The following ZNF804A variants were observed in gnomAD, a reference collection of about 807,000 sequenced individuals.
ZNF804A encodes zinc finger protein 804A.
ZNF804A carries 2 observed loss-of-function variants against 16.5 expected under a neutral mutation model. The ratio of observed to expected loss-of-function variants is 0.12; its 90% CI spans 0.05 to 0.38. The LOEUF (loss-of-function observed/expected upper bound fraction) is 0.38, where lower values mean the gene tolerates loss of function less well. Among genes scored for constraint, ZNF804A ranks in the 10% least tolerant of loss-of-function variants. The pLI, the probability that ZNF804A is intolerant of heterozygous loss-of-function variation, is 0.99. For synonymous variants in ZNF804A, 534 were observed against 489.6 expected, an observed-to-expected ratio of 1.09 and a Z score of -1.20; for missense variants, 1,473 against 1,390.7, an observed-to-expected ratio of 1.06 and a Z score of -0.94.
chr2:184,865,821 A>G (rs1695870064), intron 1 of ZNF804A, among the ~76,000 whole-genome samples: 1 of 152,186 alleles, frequency 6.6e-6, no homozygotes, highest in Non-Finnish European at 1.5e-5. Context: ...GATTATTTTA[A>G]TGTTCATTCT....
chr2:184,888,449 G>T (rs572282382), intron 2 of ZNF804A, among the ~76,000 whole-genome samples: 1 of 152,108 alleles, frequency 6.6e-6, no homozygotes, highest in Non-Finnish European at 1.5e-5. Context: ...TGTGCCCTTG[G>T]CTCCACTAAA....
At chr2:184,638,077 G>A (rs1691730010) in intron 1 of ZNF804A, among the ~76,000 whole-genome samples, 1 of 152,146 alleles carries the variant, frequency 6.6e-6, no homozygotes, top group African/African-American at 2.4e-5. Context: ...TCCTGTTGTT[G>A]TGTGCCAGTT....
At chr2:184,924,742 C>T (rs988790674) in intron 2 of ZNF804A, among the ~76,000 whole-genome samples, 12 of 151,486 alleles carry the variant, frequency 7.9e-5, no homozygotes, top group East Asian at 1.9e-4. Flanking sequence ...GTTACGTTTC[C>T]GTTATCATTT....
At chr2:184,789,441 T>C (rs1364001531) in intron 1 of ZNF804A, among the ~76,000 whole-genome samples, 2 of 152,148 alleles carry the variant, frequency 1.3e-5, no homozygotes, top group African/African-American at 2.4e-5. Context: ...TAGTAAACTT[T>C]GGATGTGAAT....
chr2:184,632,589 G>A (rs539134369), intron 1 of ZNF804A, among the ~76,000 whole-genome samples: 46 of 152,098 alleles, frequency 3.0e-4, no homozygotes, highest in Non-Finnish European at 5.9e-4. Flanking sequence ...TAGATACAAG[G>A]TTTCACCATG....
At chr2:184,845,781 G>A (rs903752373) in intron 1 of ZNF804A, among the ~76,000 whole-genome samples, 10 of 152,048 alleles carry the variant, frequency 6.6e-5, no homozygotes, top group African/African-American at 2.4e-4. Context: ...TTGTTTGGGG[G>A]TGTCCCTCTA....
chr2:184,793,394 G>A (rs867480339), intron 1 of ZNF804A, among the ~76,000 whole-genome samples: 1 of 152,116 alleles, frequency 6.6e-6, no homozygotes, highest in Non-Finnish European at 1.5e-5. Context: ...TCCACCCACA[G>A]TGTATAAGTG....
intron 1 of ZNF804A, among the ~76,000 whole-genome samples, chr2:184,847,895 A>G (rs1001376555): frequency 3.3e-5 from 5 of 152,074 alleles, no homozygotes; most frequent in Admixed American, 6.6e-5. Flanking sequence ...AAACTCAGGA[A>G]CAGCCAGATT....
At chr2:184,747,008 C>G (rs1031701037) in intron 1 of ZNF804A, among the ~76,000 whole-genome samples, 3 of 151,260 alleles carry the variant, frequency 2.0e-5, no homozygotes, top group African/African-American at 7.3e-5. Context: ...TGAACAGATC[C>G]AAATCCCTCT....
intron 1 of ZNF804A, among the ~76,000 whole-genome samples, chr2:184,685,645 T>C (rs990737719): frequency 6.6e-6 from 1 of 152,086 alleles, no homozygotes; most frequent in African/African-American, 2.4e-5. Flanking sequence ...CTGGAGTTTC[T>C]ATGGGCTCAG....
chr2:184,726,614 C>T (rs1418531767), intron 1 of ZNF804A, among the ~76,000 whole-genome samples: 5 of 151,384 alleles, frequency 3.3e-5, no homozygotes, highest in Non-Finnish European at 3.0e-5. Context: ...ATGCATTTCA[C>T]GTATATCAGT....
At chr2:184,625,037 T>C (rs2105682528) in intron 1 of ZNF804A, among the ~76,000 whole-genome samples, 1 of 152,302 alleles carries the variant, frequency 6.6e-6, no homozygotes, top group Admixed American at 6.5e-5. Context: ...TGATTATACC[T>C]ACAAGGTACT....
chr2:184,933,873 C>A, intron 3 of ZNF804A, 140 bp downstream of exon 3: 1 of 774,334 alleles, frequency 1.3e-6, no homozygotes, highest in South Asian at 2.9e-5. Context: ...CTTCTGTAGG[C>A]TGTAAACAGT....
chr2:184,928,606 C>T (rs10169817), intron 2 of ZNF804A, among the ~76,000 whole-genome samples: 1,901 of 152,052 alleles, frequency 0.013, 39 homozygotes, highest in African/African-American at 0.044. Context: ...TAGACTGCCG[C>T]GAGTTGAATA....
At chr2:184,917,957 C>T (rs914445031) in intron 2 of ZNF804A, among the ~76,000 whole-genome samples, 3 of 152,088 alleles carry the variant, frequency 2.0e-5, no homozygotes, top group African/African-American at 4.8e-5. Flanking sequence ...CAACAAGCAC[C>T]TCAATTGATA....
intron 2 of ZNF804A, among the ~76,000 whole-genome samples, chr2:184,931,424 T>C (rs1685700346): frequency 6.6e-6 from 1 of 152,206 alleles, no homozygotes; most frequent in African/African-American, 2.4e-5. Flanking sequence ...TTGAATTGGG[T>C]GCAGCCACAG....
At chr2:184,660,686 T>C (rs1259544253) in intron 1 of ZNF804A, among the ~76,000 whole-genome samples, 1 of 152,228 alleles carries the variant, frequency 6.6e-6, no homozygotes, top group African/African-American at 2.4e-5. Flanking sequence ...CGTAGTCTAC[T>C]ATGAAAAAAC....
intron 1 of ZNF804A, among the ~76,000 whole-genome samples, chr2:184,719,277 A>G (rs1693266534): frequency 6.6e-6 from 1 of 151,800 alleles, no homozygotes; most frequent in Non-Finnish European, 1.5e-5. Flanking sequence ...GGCCCCACCC[A>G]TGAAACCATT....
chr2:184,738,996 C>T (rs182817753), intron 1 of ZNF804A, among the ~76,000 whole-genome samples: 1 of 152,238 alleles, frequency 6.6e-6, no homozygotes, highest in Admixed American at 6.5e-5. Context: ...CAAATAAACA[C>T]AAGGTTGAAA....
Sources: allele counts gnomAD v4.1 joint callset (sites outside exome capture counted in the v4.1 genomes callset), GRCh38; gene constraint gnomAD v4.1.1; transcripts MANE v1.5; gene names NCBI Gene and HGNC (gene_info 2026-07-23, HGNC 2026-07-21).